The following TTLL11 variants were observed in gnomAD, a reference collection of about 807,000 sequenced individuals.
The protein encoded by TTLL11 is tubulin tyrosine ligase like 11, also known as tubulin polyglutamylase TTLL11.
Under a neutral mutation model 51.7 loss-of-function variants are expected in TTLL11, and 42 were observed. The observed-to-expected ratio is 0.81, with a 90% CI of 0.64 to 1.05. The LOEUF is 1.05. Among genes scored for constraint, TTLL11 ranks in the 50% least tolerant of loss-of-function variants. The pLI, the probability that TTLL11 is intolerant of heterozygous loss-of-function variation, is 0.00. For synonymous variants in TTLL11, 381 were observed against 383.5 expected (o/e 0.99, Z 0.08); for missense variants, 799 against 940.4 (o/e 0.85, Z 1.97).
chr9:121,876,214 T>C (rs926425394), intron 6 of TTLL11, among the ~76,000 whole-genome samples: 1 of 152,254 alleles, frequency 6.6e-6, no homozygotes, highest in African/African-American at 2.4e-5. Flanking sequence ...GATCATTTGA[T>C]TTAAATCAAA....
intron 6 of TTLL11, among the ~76,000 whole-genome samples, chr9:121,946,903 CCATTCATTA>C (rs2131593114): frequency 6.6e-6 from 1 of 152,260 alleles, no homozygotes; most frequent in Admixed American, 6.5e-5. Flanking sequence ...CAGCCTACCC[CCATTCATTA>C]GATCACCTGC....
Position 121,822,770 on chromosome 9 carries a change from G to A in TTLL11, c.1950C>T (p.Tyr650=). ...GTTTTTCATCCAGCAGGGACAGGTG[G>A]TACTCGCAAAGGTCAATCAGTGAGG... is the stretch of plus-strand genomic sequence containing the variant. ...QVASLIDLCE[Y]HLSLLDEKRL... Residue 650 remains tyrosine, a synonymous_variant, in exon 9 of 9, where the codon TAC becomes TAT. Coordinates refer to ENST00000321582, the MANE Select transcript of TTLL11 (RefSeq NM_001139442.2). This position sits in a 1 kb window ranked among gnomAD's most constrained non-coding sequence, Gnocchi z 5.8. 6.4e-7 allele frequency: 1 copy of A among 1,551,700 alleles called. No individual in the cohort carries two copies. The highest frequency in any genetic ancestry group is 8.7e-7 in the Non-Finnish European group (1 of 1,146,982).
intron 6 of TTLL11, among the ~76,000 whole-genome samples, chr9:121,898,960 C>T (rs570170409): frequency 6.6e-6 from 1 of 152,310 alleles, no homozygotes; most frequent in Non-Finnish European, 1.5e-5. Context: ...CTTTGCCTGG[C>T]TCCTGATAAC....
intron 6 of TTLL11, among the ~76,000 whole-genome samples, chr9:121,949,844 C>T (rs903239892): frequency 2.6e-5 from 4 of 152,222 alleles, no homozygotes; most frequent in Admixed American, 6.5e-5. Flanking sequence ...AAATGTTCCT[C>T]TCCCTGTCCT....
intron 1 of TTLL11, among the ~76,000 whole-genome samples, chr9:122,045,364 C>T (rs1443228142): frequency 6.6e-6 from 1 of 152,110 alleles, no homozygotes; most frequent in Non-Finnish European, 1.5e-5. Context: ...ATCAGCCTGG[C>T]CAACATGGCG....
intron 3 of TTLL11, among the ~76,000 whole-genome samples, chr9:122,025,488 C>G (rs1031234102): frequency 1.3e-5 from 2 of 152,126 alleles, no homozygotes; most frequent in Non-Finnish European, 2.9e-5. Flanking sequence ...CAAAAATTAG[C>G]CAGGTGTGGT....
At chr9:121,834,844 AT>A (rs1837140199) in intron 8 of TTLL11, among the ~76,000 whole-genome samples, 1 of 148,836 alleles carries the variant, frequency 6.7e-6, no homozygotes, top group South Asian at 2.1e-4. Flanking sequence ...AAAAAAAAAA[AT>A]AGTGGCACAA....
At position 121,890,799 on chromosome 9, in the gene TTLL11, G is replaced by C. The variant is rs545716479; in HGVS notation, c.1482-20051C>G. 2.6e-5 allele frequency among the ~76,000 whole-genome samples: 4 copies of C among 152,138 alleles called. No homozygotes were observed. The highest frequency in any genetic ancestry group is 5.9e-5 in the Non-Finnish European group (4 of 68,038). Reference sequence around the variant, plus strand: ...TGCATGAATGCATGAATGGGTGCATGAATGCATGAATGACTGGCTCTTCTC... The same window carrying C: ...TGCATGAATGCATGAATGGGTGCATCAATGCATGAATGACTGGCTCTTCTC... On this transcript the variant is annotated intron_variant, in intron 6 of 8. Transcript: ENST00000321582. The surrounding 1 kb of genome is among the most constrained non-coding windows in gnomAD (Gnocchi z 4.3).
intron 8 of TTLL11, among the ~76,000 whole-genome samples, chr9:121,856,774 A>G (rs1458996732): frequency 1.3e-5 from 2 of 152,070 alleles, no homozygotes; most frequent in African/African-American, 4.8e-5. Flanking sequence ...TCAGCATGGC[A>G]CCCACACCTC....
chr9:121,905,094 A>T (rs1193587091), intron 6 of TTLL11, among the ~76,000 whole-genome samples: 1 of 152,198 alleles, frequency 6.6e-6, no homozygotes, highest in Non-Finnish European at 1.5e-5. Flanking sequence ...ACTAGTGGTG[A>T]TCCAAGTTGC....
chr9:121,871,419 C>G (rs1361234264), intron 6 of TTLL11, among the ~76,000 whole-genome samples: 1 of 152,054 alleles, frequency 6.6e-6, no homozygotes, highest in Non-Finnish European at 1.5e-5. Context: ...TCTATGTCTC[C>G]CATCTCCTTG....
chr9:121,906,777 A>C (rs2131489948), intron 6 of TTLL11, among the ~76,000 whole-genome samples: 1 of 152,316 alleles, frequency 6.6e-6, no homozygotes, highest in Non-Finnish European at 1.5e-5. Flanking sequence ...CAAAATGAAA[A>C]GTACATTGAC....
At chr9:121,839,065 C>T (rs570507565) in intron 8 of TTLL11, among the ~76,000 whole-genome samples, 5 of 152,374 alleles carry the variant, frequency 3.3e-5, no homozygotes, top group Non-Finnish European at 4.4e-5. Context: ...TCCCACCTGG[C>T]GAAGCTTCCA....
At chr9:121,972,701 T>A (rs989675904) in intron 6 of TTLL11, among the ~76,000 whole-genome samples, 1 of 152,382 alleles carries the variant, frequency 6.6e-6, no homozygotes, top group East Asian at 1.9e-4. Context: ...CAGAATCACC[T>A]AGGGAACCTA....
At chr9:122,063,157 CTT>C (rs1196830224) in intron 1 of TTLL11, among the ~76,000 whole-genome samples, 1 of 152,136 alleles carries the variant, frequency 6.6e-6, no homozygotes, top group Non-Finnish European at 1.5e-5. Flanking sequence ...AAACCAAAAA[CTT>C]ATAACAATGT....
intron 1 of TTLL11, among the ~76,000 whole-genome samples, chr9:122,043,804 T>C (rs904815908): frequency 2.0e-5 from 3 of 152,244 alleles, no homozygotes; most frequent in East Asian, 3.9e-4. Context: ...TGCAAAATCA[T>C]ATATTTGATA....
intron 6 of TTLL11, among the ~76,000 whole-genome samples, chr9:121,900,461 GT>G (rs1426598516): frequency 6.6e-6 from 1 of 152,130 alleles, no homozygotes. Context: ...ATATCTACCC[GT>G]GGATTTCTTT....
intron 6 of TTLL11, among the ~76,000 whole-genome samples, chr9:121,889,555 C>A (rs1839140953): frequency 1.3e-5 from 2 of 152,132 alleles, no homozygotes; most frequent in South Asian, 4.1e-4. Context: ...CCCCCAGCAA[C>A]CACCACTCTA....
In TTLL11 at chr9:121,969,112, C is replaced by T. The variant is rs531951080; in HGVS notation, c.1481+4897G>A. ...CTTGAACTCCTGACCTCAAGTAATC[C>T]GCCCACCTTGGCCTCCCAAAGTGCT... On this transcript the variant is annotated intron_variant, in intron 6 of 8. Coordinates refer to ENST00000321582, the MANE Select transcript of TTLL11 (RefSeq NM_001139442.2). Among the ~76,000 whole-genome samples the T allele has an allele frequency of 3.6e-3, 554 of 152,270 alleles. 6 individuals carry two copies. Among genetic ancestry groups the T allele is most frequent in the African/African-American group, 0.013 (528 of 41,536 alleles).
Sources: allele counts gnomAD v4.1 joint callset (sites outside exome capture counted in the v4.1 genomes callset), GRCh38; gene constraint gnomAD v4.1.1; non-coding constraint Gnocchi (gnomAD v3.1); transcripts MANE v1.5; gene names NCBI Gene and HGNC (gene_info 2026-07-23, HGNC 2026-07-21).